PRKN: variants seen among roughly 807,000 people sequenced by gnomAD.
The protein encoded by PRKN is parkin RBR E3 ubiquitin protein ligase, also known as E3 ubiquitin-protein ligase parkin.
In PRKN, 56 loss-of-function variants were observed where a neutral mutation model predicts 59.5. The ratio of observed to expected loss-of-function variants is 0.94; its 90% CI spans 0.76 to 1.18. The LOEUF is 1.18. Ranked by LOEUF, PRKN falls within the 50% of genes most tolerant of loss-of-function variation. The probability of loss-of-function intolerance (pLI) is 0.00; values close to 1 mark genes in which losing one functional copy is unlikely to be tolerated. For missense variants in PRKN, 657 were observed against 596.4 expected, an observed-to-expected ratio of 1.10 and a Z score of -1.06; for synonymous variants, 250 against 222.1, an observed-to-expected ratio of 1.13 and a Z score of -1.12.
intron 6 of PRKN, among the ~76,000 whole-genome samples, chr6:161,883,800 G>A (rs536845033): frequency 4.6e-5 from 7 of 151,978 alleles, no homozygotes; most frequent in African/African-American, 7.2e-5. Context: ...TTACAGCCGC[G>A]CGCCACCACG....
intron 3 of PRKN, among the ~76,000 whole-genome samples, chr6:162,249,114 G>A (rs980336161): frequency 6.6e-6 from 1 of 152,088 alleles, no homozygotes; most frequent in Non-Finnish European, 1.5e-5. Flanking sequence ...TCTTGACCTC[G>A]TGATCAGCCC....
chr6:162,559,264 A>T (rs1273335540), intron 1 of PRKN, among the ~76,000 whole-genome samples: 2 of 135,542 alleles, frequency 1.5e-5, no homozygotes, highest in East Asian at 5.1e-4. Context: ...ACTATTTGTA[A>T]ATAATACTAT....
At chr6:162,452,554 C>A (rs745547660) in intron 1 of PRKN, among the ~76,000 whole-genome samples, 10 of 151,918 alleles carry the variant, frequency 6.6e-5, no homozygotes, top group Non-Finnish European at 1.3e-4. Flanking sequence ...TAAGGACAGA[C>A]ATTATATTTC....
chr6:162,039,265 A>G (rs1783970163), intron 5 of PRKN, among the ~76,000 whole-genome samples: 1 of 152,200 alleles, frequency 6.6e-6, no homozygotes, highest in African/African-American at 2.4e-5. Flanking sequence ...CTCTCTTTCA[A>G]GATCACATAA....
Position 162,647,949 on chromosome 6 carries a change from C to CAAAAAAAAAAAAAAAAA in PRKN, c.7+79696_7+79712dup, listed in dbSNP as rs398003250. Among the ~76,000 whole-genome samples, 9 of 75,650 alleles carry CAAAAAAAAAAAAAAAAA rather than the reference C, an allele frequency of 1.2e-4. 2 individuals are homozygous for CAAAAAAAAAAAAAAAAA. Among genetic ancestry groups the CAAAAAAAAAAAAAAAAA allele is most frequent in the Non-Finnish European group, 1.2e-4 (5 of 42,122 alleles). 49.6% of individuals were successfully genotyped at this position (75,650 alleles called of 152,430 possible). ...GAACCATCTCTATATGTCCACAGTG[C>CAAAAAAAAAAAAAAAAA]AAAAAAAAAAAAAAAAAAAAAAAAA... On this transcript the variant is annotated intron_variant, in intron 1 of 11. Coordinates refer to ENST00000366898, the MANE Select transcript of PRKN (RefSeq NM_004562.3).
intron 9 of PRKN, among the ~76,000 whole-genome samples, chr6:161,509,149 T>C (rs1443130389): frequency 6.6e-6 from 1 of 152,166 alleles, no homozygotes; most frequent in East Asian, 1.9e-4. Context: ...TGGCCGGGTG[T>C]TATGATTCTA....
chr6:162,720,540 T>A (rs540575969), intron 1 of PRKN, among the ~76,000 whole-genome samples: 1 of 149,742 alleles, frequency 6.7e-6, no homozygotes, highest in East Asian at 2.0e-4. Context: ...AAGCTCCGCT[T>A]CCCGGGTTCA....
chr6:161,384,547 A>T (rs889571893), intron 10 of PRKN, among the ~76,000 whole-genome samples: 2 of 152,218 alleles, frequency 1.3e-5, no homozygotes, highest in African/African-American at 4.8e-5. Context: ...TGGTTCAAAA[A>T]AAATGAAATA....
chr6:162,670,559 C>T (rs199879248), intron 1 of PRKN, among the ~76,000 whole-genome samples: 161 of 152,236 alleles, frequency 1.1e-3, no homozygotes, highest in African/African-American at 3.7e-3. Flanking sequence ...TATTGGCTTT[C>T]GTAGGGGACA....
intron 2 of PRKN, among the ~76,000 whole-genome samples, chr6:162,431,512 C>T (rs144920937): frequency 0.013 from 1,999 of 151,994 alleles, 26 homozygotes; most frequent in African/African-American, 0.034. Flanking sequence ...GAGCCAAGAT[C>T]GCGCCACTGC....
intron 9 of PRKN, among the ~76,000 whole-genome samples, chr6:161,465,480 A>AT (rs35572465): frequency 0.12 from 16,782 of 141,516 alleles, 1,124 homozygotes; most frequent in Non-Finnish European, 0.16. Context: ...TCTTTTGGGG[A>AT]TTTTTTTTTT....
At chr6:161,921,959 G>A (rs1012155158) in intron 6 of PRKN, among the ~76,000 whole-genome samples, 27 of 152,166 alleles carry the variant, frequency 1.8e-4, no homozygotes, top group African/African-American at 5.8e-4. Context: ...GATTCTCTGG[G>A]ATGCTACAAG....
intron 7 of PRKN, among the ~76,000 whole-genome samples, chr6:161,591,597 G>T (rs1781727893): frequency 6.6e-6 from 1 of 152,164 alleles, no homozygotes; most frequent in Non-Finnish European, 1.5e-5. Flanking sequence ...AGACAATCTG[G>T]ACCATAATCA....
At chr6:161,885,803 T>C (rs1260062885) in intron 6 of PRKN, among the ~76,000 whole-genome samples, 1 of 152,128 alleles carries the variant, frequency 6.6e-6, no homozygotes, top group Non-Finnish European at 1.5e-5. Context: ...TAAACTGAAG[T>C]TAAGAATTAC....
intron 7 of PRKN, among the ~76,000 whole-genome samples, chr6:161,639,342 G>A (rs547363685): frequency 3.3e-5 from 5 of 152,258 alleles, no homozygotes; most frequent in South Asian, 2.1e-4. Flanking sequence ...GATCGAGTAC[G>A]TTCACATCTT....
intron 4 of PRKN, among the ~76,000 whole-genome samples, chr6:162,139,785 C>T (rs1332529656): frequency 1.3e-5 from 2 of 151,798 alleles, no homozygotes; most frequent in Non-Finnish European, 2.9e-5. Context: ...CTGTAGGTAC[C>T]AGTTGATCTG....
intron 9 of PRKN, among the ~76,000 whole-genome samples, chr6:161,425,735 A>G (rs1788314433): frequency 3.9e-5 from 6 of 152,176 alleles, no homozygotes; most frequent in Admixed American, 3.9e-4. Flanking sequence ...GTAAAGTATT[A>G]TGAGGAGATG....
chr6:161,733,959 TACACACACACACACACACACAC>T (rs10597403), intron 7 of PRKN, among the ~76,000 whole-genome samples: 206 of 133,648 alleles, frequency 1.5e-3, no homozygotes, highest in South Asian at 6.4e-3. Flanking sequence ...AAAATTCATT[TACACACACACACACACACACAC>T]ACACACACAC....
In PRKN at chr6:161,709,000, G is replaced by A. The variant is rs371167031; in HGVS notation, c.871+76772C>T. Among the ~76,000 whole-genome samples the A allele has an allele frequency of 7.9e-5, 12 of 152,340 alleles. No individual in the cohort carries two copies. In the East Asian group the frequency reaches 1.9e-3, roughly 24 times the overall value. On this transcript the variant is annotated intron_variant, in intron 7 of 11. Transcript: ENST00000366898. ...GCCACTAGCCACCTATGACAACTGA[G>A]CACTTGAAACGTGAATTTTAAATTG...
Sources: gnomAD v4.1 joint callset for allele counts (sites outside exome capture counted in the v4.1 genomes callset) on GRCh38, gnomAD v4.1.1 for gene constraint, MANE v1.5 for transcripts, NCBI Gene and HGNC (gene_info 2026-07-23, HGNC 2026-07-21) for gene names.